PIK3C2G: variants seen among roughly 807,000 people sequenced by gnomAD.
The protein encoded by PIK3C2G is phosphatidylinositol-4-phosphate 3-kinase catalytic subunit type 2 gamma, also known as phosphatidylinositol 3-kinase C2 domain-containing subunit gamma.
A neutral mutation model predicts 181.1 loss-of-function variants in PIK3C2G; 168 were observed. The ratio of observed to expected loss-of-function variants is 0.93; its 90% CI spans 0.82 to 1.05. PIK3C2G has a LOEUF of 1.05. Ranked by LOEUF, PIK3C2G falls within the 50% of genes least tolerant of loss-of-function variation. The probability of loss-of-function intolerance (pLI) is 0.00; values close to 1 mark genes in which losing one functional copy is unlikely to be tolerated. For missense variants in PIK3C2G, 1,869 were observed against 1,732.8 expected (o/e 1.08, Z -1.40); for synonymous variants, 573 against 592.2 (o/e 0.97, Z 0.47).
intron 18 of PIK3C2G, among the ~76,000 whole-genome samples, chr12:18,436,912 T>A (rs1946480763): frequency 6.6e-6 from 1 of 152,018 alleles, no homozygotes; most frequent in African/African-American, 2.4e-5. Flanking sequence ...ATTGAAAATG[T>A]AAGGCTGCAT....
intron 14 of PIK3C2G, among the ~76,000 whole-genome samples, chr12:18,383,258 C>T (rs775447065): frequency 6.6e-6 from 1 of 152,094 alleles, no homozygotes; most frequent in Non-Finnish European, 1.5e-5. Flanking sequence ...ATGGTAAACA[C>T]TCTTACAAAA....
chr12:18,606,875 A>T (rs551935278), intron 30 of PIK3C2G, among the ~76,000 whole-genome samples: 1 of 152,136 alleles, frequency 6.6e-6, no homozygotes, highest in African/African-American at 2.4e-5. Context: ...TAAACAATAA[A>T]TTTTTAATTA....
chr12:18,632,347 A>T (rs1267749290), intron 31 of PIK3C2G, among the ~76,000 whole-genome samples: 1 of 152,188 alleles, frequency 6.6e-6, no homozygotes, highest in African/African-American at 2.4e-5. Flanking sequence ...AATCTTTAAA[A>T]TCCCATGATA....
rs904162695 is a variant in PIK3C2G, at chr12:18,539,794, T to A, written c.3480+1482T>A. Among the ~76,000 whole-genome samples the A allele has an allele frequency of 9.9e-5, 15 of 152,088 alleles. No individual in the cohort carries two copies. In the East Asian group the frequency reaches 2.9e-3, roughly 29 times the overall value. On this transcript the variant is annotated intron_variant, in intron 25 of 32. Coordinates refer to ENST00000538779, the MANE Select transcript of PIK3C2G (RefSeq NM_001288772.2). ...AAGATAAGTATCTCTAAAAATATTA[T>A]AAACATGTCCTTCATATGCAAAGAT...
chr12:18,312,180 C>A (rs75798318), intron 5 of PIK3C2G, among the ~76,000 whole-genome samples: 4,796 of 152,228 alleles, frequency 0.032, 244 homozygotes, highest in African/African-American at 0.11. Context: ...CACCCAGGAA[C>A]AATGCTTTGC....
chr12:18,293,920 T>C lies in PIK3C2G; in HGVS notation c.939T>C (p.Asp313=), dbSNP rs914740222. 1.9e-6 allele frequency: 3 copies of C among 1,542,558 alleles called. No homozygotes were observed. Among genetic ancestry groups the C allele is most frequent in the Middle Eastern group, 1.7e-4 (1 of 5,906 alleles). ...FMPCANYLVK[D]LIAEILHFCT... is the part of the protein sequence containing the mutation. ...CTTTAGCTAATTATCTTGTCAAAGA[T>C]CTAATTGCAGAAATTCTGCATTTTT... The change falls in exon 5 of 33, where the codon GAT becomes GAC. Residue 313 remains aspartate (D), a synonymous_variant. Coordinates refer to ENST00000538779, the MANE Select transcript of PIK3C2G (RefSeq NM_001288772.2).
chr12:18,702,262 T>A, the PIK3C2G span, among the ~76,000 whole-genome samples: 1 of 152,044 alleles, frequency 6.6e-6, no homozygotes. Context: ...TAAAGGCTCT[T>A]CAAATTTCTT....
At chr12:18,445,547 A>G (rs1946977130) in intron 18 of PIK3C2G, among the ~76,000 whole-genome samples, 1 of 152,166 alleles carries the variant, frequency 6.6e-6, no homozygotes, top group Non-Finnish European at 1.5e-5. Context: ...TACATTTTAA[A>G]ATACATGTAT....
intron 18 of PIK3C2G, among the ~76,000 whole-genome samples, chr12:18,449,008 G>A (rs1947187424): frequency 6.6e-6 from 1 of 152,058 alleles, no homozygotes; most frequent in African/African-American, 2.4e-5. Context: ...ATACCTAGAA[G>A]AGGGATTGCT....
intron 11 of PIK3C2G, among the ~76,000 whole-genome samples, chr12:18,354,467 T>C (rs1368230317): frequency 6.6e-6 from 1 of 152,188 alleles, no homozygotes; most frequent in African/African-American, 2.4e-5. Flanking sequence ...CAGCCTCTCC[T>C]GAGATGGCCA....
At chr12:18,656,757 A>G in the PIK3C2G span, among the ~76,000 whole-genome samples, 1 of 5,746 alleles carries the variant, frequency 1.7e-4, no homozygotes, top group African/African-American at 1.0e-3. Context: ...CAACAACGAC[A>G]ACAACAACAA....
At chr12:18,706,827 C>T in the PIK3C2G span, among the ~76,000 whole-genome samples, 1 of 152,192 alleles carries the variant, frequency 6.6e-6, no homozygotes, top group African/African-American at 2.4e-5. Context: ...TACTACAAAC[C>T]TTGGTGGCTT....
At chr12:18,338,663 CTGTGTGTGTGTGTGTGTGTGTG>C (rs199613361) in intron 9 of PIK3C2G, 115 bp downstream of exon 9, 18 of 413,934 alleles carry the variant, frequency 4.3e-5, no homozygotes, top group South Asian at 2.8e-4. Flanking sequence ...TTGTGTGTAT[CTGTGTGTGTGTGTGTGTGTGTG>C]TGTGTGTGTG....
chr12:18,691,980 C>T, the PIK3C2G span, among the ~76,000 whole-genome samples: 8 of 152,240 alleles, frequency 5.3e-5, no homozygotes, highest in South Asian at 1.7e-3. Context: ...GATAAAGTGG[C>T]TAGGTCCTGA....
chr12:18,341,469 T>C (rs932838256), intron 9 of PIK3C2G, among the ~76,000 whole-genome samples: 2 of 151,842 alleles, frequency 1.3e-5, no homozygotes, highest in East Asian at 1.9e-4. Flanking sequence ...TTTTCATGCA[T>C]AGAAATTAAA....
the PIK3C2G span, chr12:18,696,322 C>CTATATATATATATCATA: frequency 1.6e-5 from 4 of 253,028 alleles, no homozygotes; most frequent in African/African-American, 2.4e-4. Flanking sequence ...TAAAAAGCCA[C>CTATATATATATATCATA]TATATATATA....
chr12:18,636,583 G>A (rs1008056944), intron 31 of PIK3C2G, among the ~76,000 whole-genome samples: 3 of 152,126 alleles, frequency 2.0e-5, no homozygotes, highest in Admixed American at 1.3e-4. Context: ...GTCAATAGCT[G>A]CATACCAGGT....
chr12:18,505,225 C>T (rs2136119649), intron 23 of PIK3C2G, 67 bp from the exon 24 acceptor site: 20 of 1,312,020 alleles, frequency 1.5e-5, no homozygotes, highest in South Asian at 4.5e-5. Flanking sequence ...TTATGATTAC[C>T]TCTGATGCTA....
At chr12:18,341,670 G>A (rs10841018) in intron 9 of PIK3C2G, among the ~76,000 whole-genome samples, 8,987 of 152,112 alleles carry the variant, frequency 0.059, 908 homozygotes, top group African/African-American at 0.21. Flanking sequence ...CTATGTAAGA[G>A]TACTGGCACA....
Sources: gnomAD v4.1 joint callset for allele counts (sites outside exome capture counted in the v4.1 genomes callset) on GRCh38, gnomAD v4.1.1 for gene constraint, MANE v1.5 for transcripts, NCBI Gene and HGNC (gene_info 2026-07-23, HGNC 2026-07-21) for gene names.